The following CRIM1 variants were observed in gnomAD, a reference collection of about 807,000 sequenced individuals.
CRIM1 encodes cysteine-rich motor neuron 1 protein.
Under a neutral mutation model 116.4 loss-of-function variants are expected in CRIM1, and 32 were observed. The observed-to-expected ratio is 0.27, with a 90% CI of 0.21 to 0.37. CRIM1 has a LOEUF of 0.37. CRIM1 is among the 10% of genes least tolerant of loss of function. CRIM1 has a pLI of 1.00. For synonymous variants in CRIM1, 590 were observed against 509.2 expected (o/e 1.16, Z -2.13); for missense variants, 1,331 against 1,354.8 (o/e 0.98, Z 0.28).
intron 5 of CRIM1, among the ~76,000 whole-genome samples, chr2:36,473,175 A>G (rs1389617599): frequency 6.6e-6 from 1 of 152,196 alleles, no homozygotes; most frequent in African/African-American, 2.4e-5. Context: ...TACAATGCAA[A>G]TGCAAATATC....
intron 7 of CRIM1, among the ~76,000 whole-genome samples, chr2:36,490,220 A>T (rs6544011): frequency 0.023 from 3,460 of 152,348 alleles, 131 homozygotes; most frequent in African/African-American, 0.077. Context: ...AGACAAGATC[A>T]GCATGACATC....
At chr2:36,363,532 C>CA in intron 1 of CRIM1, among the ~76,000 whole-genome samples, 1 of 134,362 alleles carries the variant, frequency 7.4e-6, no homozygotes, top group South Asian at 2.5e-4. Context: ...CGTCGCCGCC[C>CA]CCCCCCCCCA....
chr2:36,461,812 G>C (rs931408044), intron 4 of CRIM1, among the ~76,000 whole-genome samples: 6 of 152,146 alleles, frequency 3.9e-5, no homozygotes, highest in African/African-American at 1.4e-4. Context: ...ATAAGGAATT[G>C]CTATTTGACC....
intron 1 of CRIM1, among the ~76,000 whole-genome samples, chr2:36,365,964 G>T (rs1416561775): frequency 6.6e-6 from 1 of 152,192 alleles, no homozygotes; most frequent in East Asian, 1.9e-4. Flanking sequence ...TCGACCTCGT[G>T]ATCTGCCCAC....
chr2:36,405,410 G>A (rs1238881448), intron 2 of CRIM1, among the ~76,000 whole-genome samples: 1 of 152,146 alleles, frequency 6.6e-6, no homozygotes, highest in East Asian at 1.9e-4. Flanking sequence ...GCCCCTACCC[G>A]CTGTCCCATA....
intron 13 of CRIM1, among the ~76,000 whole-genome samples, chr2:36,524,316 T>A (rs1056341416): frequency 2.0e-5 from 3 of 152,202 alleles, no homozygotes; most frequent in Non-Finnish European, 4.4e-5. Context: ...CTGACCAAAA[T>A]TCACGCAACA....
At chr2:36,530,206 G>A (rs3755197) in intron 13 of CRIM1, among the ~76,000 whole-genome samples, 1 of 151,844 alleles carries the variant, frequency 6.6e-6, no homozygotes, top group Non-Finnish European at 1.5e-5. Context: ...CATCTGTTTT[G>A]AGCAAGACTT....
At chr2:36,517,683 C>T (rs980160415) in intron 12 of CRIM1, 141 bp downstream of exon 12, 12 of 705,134 alleles carry the variant, frequency 1.7e-5, no homozygotes, top group Admixed American at 8.2e-5. Context: ...CAGCTGGCAG[C>T]CTGCTTCCTG....
chr2:36,496,151 C>T (rs1680578582), intron 7 of CRIM1, among the ~76,000 whole-genome samples: 1 of 152,118 alleles, frequency 6.6e-6, no homozygotes, highest in South Asian at 2.1e-4. Flanking sequence ...CGGAAAAAAA[C>T]TTTAAAATTT....
At chr2:36,493,226 T>C (rs1465577120) in intron 7 of CRIM1, among the ~76,000 whole-genome samples, 3 of 151,338 alleles carry the variant, frequency 2.0e-5, no homozygotes, top group East Asian at 1.9e-4. Flanking sequence ...CTGGGCAACA[T>C]AGTGAGACCT....
intron 5 of CRIM1, among the ~76,000 whole-genome samples, chr2:36,469,182 T>C (rs1678290886): frequency 6.6e-6 from 1 of 152,126 alleles, no homozygotes; most frequent in Non-Finnish European, 1.5e-5. Context: ...TTCCCAGTGG[T>C]GCCAAGAGTG....
At chr2:36,395,775 T>C (rs1318877255) in intron 1 of CRIM1, among the ~76,000 whole-genome samples, 1 of 152,162 alleles carries the variant, frequency 6.6e-6, no homozygotes, top group Non-Finnish European at 1.5e-5. Flanking sequence ...TTGGCAGTGA[T>C]GGATACTATC....
At chr2:36,464,733 T>A in intron 5 of CRIM1, 78 bp downstream of exon 5, 7 of 1,554,300 alleles carry the variant, frequency 4.5e-6, no homozygotes, top group Non-Finnish European at 6.2e-6. Context: ...CTTAGCTGCT[T>A]CTGCCTTTTA....
chr2:36,442,124 G>A (rs947368160), intron 3 of CRIM1, among the ~76,000 whole-genome samples: 1 of 152,050 alleles, frequency 6.6e-6, no homozygotes, highest in Non-Finnish European at 1.5e-5. Context: ...TAACATCCTT[G>A]CTCTTGTGGC....
intron 1 of CRIM1, among the ~76,000 whole-genome samples, chr2:36,364,722 C>T (rs1457666883): frequency 6.6e-6 from 1 of 152,062 alleles, no homozygotes; most frequent in Admixed American, 6.5e-5. Flanking sequence ...TTTCTCTGAG[C>T]TTCAGTTCCC....
intron 2 of CRIM1, among the ~76,000 whole-genome samples, chr2:36,416,452 G>A (rs1457840900): frequency 2.0e-5 from 3 of 152,068 alleles, no homozygotes; most frequent in Admixed American, 1.3e-4. Context: ...AATCAATAAA[G>A]GTGCTGTGAA....
Position 36,420,090 on chromosome 2 carries a change from C to T in CRIM1, c.506-21168C>T, listed in dbSNP as rs568700190. 2.0e-5 allele frequency among the ~76,000 whole-genome samples: 3 copies of T among 152,216 alleles called. No homozygotes were observed. The South Asian group carries it at 6.2e-4, about 32-fold the overall frequency. On this transcript the variant is annotated intron_variant, in intron 2 of 16. Transcript: ENST00000280527. ...CTTAACTCAGGTGTATTTATTTCCC[C>T]CTCCCAACTTCCTGCCCTCTTTCTT... is the stretch of plus-strand genomic sequence containing the variant.
intron 3 of CRIM1, 103 bp from the exon 4 acceptor site, chr2:36,442,512 C>A: frequency 7.1e-7 from 1 of 1,413,362 alleles, no homozygotes; most frequent in Non-Finnish European, 9.9e-7. Flanking sequence ...TTTGTGGAAG[C>A]AAGGAGACTT....
intron 1 of CRIM1, among the ~76,000 whole-genome samples, chr2:36,382,118 C>T (rs372319598): frequency 1.3e-5 from 2 of 152,286 alleles, no homozygotes; most frequent in East Asian, 3.9e-4. Flanking sequence ...CAACTTCCTC[C>T]TAATTAAAGC....
Sources: allele counts gnomAD v4.1 joint callset (sites outside exome capture counted in the v4.1 genomes callset), GRCh38; gene constraint gnomAD v4.1.1; transcripts MANE v1.5; gene names NCBI Gene and HGNC (gene_info 2026-07-23, HGNC 2026-07-21).